HYCC2: variants seen among roughly 807,000 people sequenced by gnomAD.
The protein encoded by HYCC2 is hyccin PI4KA lipid kinase complex subunit 2.
chr2:200,975,425 G>A, the HYCC2 span: 1 of 151,920 alleles, frequency 6.6e-6, no homozygotes. Context: ...GGGATGAGTT[G>A]TCCAATTAAG....
chr2:201,008,235 A>G, the HYCC2 span, among the ~76,000 whole-genome samples: 1 of 152,204 alleles, frequency 6.6e-6, no homozygotes, highest in South Asian at 2.1e-4. Flanking sequence ...AGCAAGGTGT[A>G]CAGAGTAGAT....
At chr2:201,009,467 C>CT in the HYCC2 span, 167 of 155,238 alleles carry the variant, frequency 1.1e-3, no homozygotes, top group South Asian at 2.4e-3. Context: ...AAATATCTCT[C>CT]TTTTTTTTTT....
At chr2:201,056,597 C>T in the HYCC2 span, among the ~76,000 whole-genome samples, 1 of 151,652 alleles carries the variant, frequency 6.6e-6, no homozygotes, top group Non-Finnish European at 1.5e-5. Context: ...TTGCTTGAAC[C>T]CGGGAGGCGG....
the HYCC2 span, among the ~76,000 whole-genome samples, chr2:201,013,470 A>C: frequency 6.9e-6 from 1 of 144,764 alleles, no homozygotes; most frequent in Non-Finnish European, 1.5e-5. Context: ...GTGCCACTGC[A>C]CTCCATTTCA....
chr2:201,022,926 G>A, the HYCC2 span: 2 of 1,610,646 alleles, frequency 1.2e-6, no homozygotes, highest in Non-Finnish European at 8.5e-7. Context: ...TGAGTGTCAG[G>A]TAATGCCTAA....
the HYCC2 span, among the ~76,000 whole-genome samples, chr2:201,069,262 G>A: frequency 6.6e-6 from 1 of 152,118 alleles, no homozygotes; most frequent in Non-Finnish European, 1.5e-5. Flanking sequence ...ACACTTTCAA[G>A]GTCTATTTTA....
chr2:201,049,980 G>A, the HYCC2 span, among the ~76,000 whole-genome samples: 1 of 152,042 alleles, frequency 6.6e-6, no homozygotes, highest in African/African-American at 2.4e-5. Context: ...GATTACAGGC[G>A]TGAGCCACTG....
chr2:200,988,037 C>T, the HYCC2 span, among the ~76,000 whole-genome samples: 1 of 151,848 alleles, frequency 6.6e-6, no homozygotes, highest in Admixed American at 6.6e-5. Context: ...AAAATTTAAC[C>T]TCATCTTATT....
chr2:201,059,231 T>C, the HYCC2 span, among the ~76,000 whole-genome samples: 1 of 152,332 alleles, frequency 6.6e-6, no homozygotes, highest in African/African-American at 2.4e-5. Flanking sequence ...CCAATTCCTA[T>C]AATAAACCTT....
chr2:201,011,767 T>C, the HYCC2 span, among the ~76,000 whole-genome samples: 2 of 152,182 alleles, frequency 1.3e-5, no homozygotes, highest in African/African-American at 2.4e-5. Flanking sequence ...ACGAATCAAT[T>C]TGATGTTAAA....
the HYCC2 span, among the ~76,000 whole-genome samples, chr2:200,982,687 T>C: frequency 6.6e-6 from 1 of 152,334 alleles, no homozygotes; most frequent in South Asian, 2.1e-4. Flanking sequence ...AGATGTATTG[T>C]CATAATCACA....
the HYCC2 span, among the ~76,000 whole-genome samples, chr2:201,033,145 TTGTATGTGTGTGTA>T: frequency 1.5e-5 from 2 of 135,360 alleles, no homozygotes; most frequent in Non-Finnish European, 3.2e-5. Context: ...AAAAAGCTAT[TTGTATGTGTGTGTA>T]TGTGTGTGTG....
At chr2:201,055,373 A>G in the HYCC2 span, among the ~76,000 whole-genome samples, 2 of 148,314 alleles carry the variant, frequency 1.3e-5, no homozygotes, top group East Asian at 3.9e-4. Flanking sequence ...CAAGAGCGAA[A>G]TTCCATCTCG....
At chr2:201,013,458 CTG>C in the HYCC2 span, among the ~76,000 whole-genome samples, 12 of 147,618 alleles carry the variant, frequency 8.1e-5, no homozygotes, top group East Asian at 2.4e-3. Flanking sequence ...ACAGCTGAGA[CTG>C]TGCCACTGCA....
chr2:200,991,530 C>T, the HYCC2 span, among the ~76,000 whole-genome samples: 23 of 150,880 alleles, frequency 1.5e-4, 1 homozygote, highest in African/African-American at 5.4e-4. Flanking sequence ...GATAGCGCCA[C>T]TGCACTCCAG....
At chr2:200,983,231 T>A in the HYCC2 span, among the ~76,000 whole-genome samples, 1 of 152,224 alleles carries the variant, frequency 6.6e-6, no homozygotes, top group Non-Finnish European at 1.5e-5. Flanking sequence ...ACCTATTAAA[T>A]ACATTTTCCA....
the HYCC2 span, among the ~76,000 whole-genome samples, chr2:201,049,123 TA>T: frequency 9.8e-3 from 1,266 of 129,124 alleles, 6 homozygotes; most frequent in Middle Eastern, 0.016. Context: ...GACTCTGTCT[TA>T]AAAAAAAAAA....
chr2:201,019,392 G>T, the HYCC2 span, among the ~76,000 whole-genome samples: 4,351 of 152,156 alleles, frequency 0.029, 220 homozygotes, highest in African/African-American at 0.1. Context: ...TTTTTTGTAA[G>T]CGAATGGGGG....
chr2:201,002,547 A>G, the HYCC2 span, among the ~76,000 whole-genome samples: 1 of 149,348 alleles, frequency 6.7e-6, no homozygotes, highest in South Asian at 2.1e-4. Flanking sequence ...TTTTTTTGAG[A>G]TGGAGTCTTC....
Sources: allele counts gnomAD v4.1 joint callset (sites outside exome capture counted in the v4.1 genomes callset), GRCh38; gene constraint gnomAD v4.1.1; transcripts MANE v1.5; gene names NCBI Gene and HGNC (gene_info 2026-07-23, HGNC 2026-07-21).